ANKRD26: variants seen among roughly 807,000 people sequenced by gnomAD.
The protein encoded by ANKRD26 is ankyrin repeat domain-containing protein 26.
Under a neutral mutation model 208.7 loss-of-function variants are expected in ANKRD26, and 141 were observed. The ratio of observed to expected loss-of-function variants is 0.68; its 90% CI spans 0.59 to 0.78. The LOEUF is 0.78. Among genes scored for constraint, ANKRD26 ranks in the 30% least tolerant of loss-of-function variants. ANKRD26 has a pLI of 0.00. For synonymous variants in ANKRD26, 636 were observed against 660.4 expected (o/e 0.96, Z 0.57); for missense variants, 1,889 against 1,938.7 (o/e 0.97, Z 0.48).
intron 27 of ANKRD26, 30 bp from the exon 28 acceptor site, chr10:27,024,589 T>G: frequency 7.9e-7 from 1 of 1,265,110 alleles, no homozygotes; most frequent in African/African-American, 1.5e-5. Context: ...CAATTACTTT[T>G]AAAACTCTGG....
downstream of ANKRD26, among the ~76,000 whole-genome samples, chr10:26,971,046 T>C (rs1236489466): frequency 6.6e-6 from 1 of 152,128 alleles, no homozygotes; most frequent in Admixed American, 6.6e-5. Flanking sequence ...AAATAGCATG[T>C]TGAGAAGAAA....
intron 12 of ANKRD26, 124 bp downstream of exon 12, chr10:27,063,864 C>T: frequency 1.3e-6 from 1 of 797,374 alleles, no homozygotes; most frequent in Non-Finnish European, 2.1e-6. Flanking sequence ...ACAATTTTAC[C>T]TCTCTTTATT....
intron 31 of ANKRD26, 58 bp downstream of exon 31, chr10:27,014,436 C>T: frequency 1.5e-6 from 2 of 1,314,146 alleles, no homozygotes; most frequent in Non-Finnish European, 2.1e-6. Context: ...AAGAATTATG[C>T]TTTCAAGGCA....
intron 13 of ANKRD26, 32 bp downstream of exon 13, chr10:27,061,112 A>T: frequency 7.0e-7 from 1 of 1,429,734 alleles, no homozygotes. Context: ...GTAGAATAAC[A>T]GTTAACAAAA....
At chr10:27,010,559 G>A (rs768516542) in intron 32 of ANKRD26, among the ~76,000 whole-genome samples, 3 of 152,184 alleles carry the variant, frequency 2.0e-5, no homozygotes, top group African/African-American at 4.8e-5. Context: ...GCAGAAGCAC[G>A]ATCATAGCTC....
rs143131177 is a variant in ANKRD26, at chr10:27,092,234, GTTAACCTTCTTA to G, written c.638+160_638+171del. On this transcript the variant is annotated intron_variant, in intron 4 of 33. Coordinates refer to ENST00000376087, the MANE Select transcript of ANKRD26 (RefSeq NM_014915.3). ...TTTGTCACTATATCCCCATAATTAT[GTTAACCTTCTTA>G]TTAAATTAATATTTCTGACTTGAGT... is the stretch of plus-strand genomic sequence containing the variant. Among the ~76,000 whole-genome samples, 1,213 of 152,110 alleles carry G rather than the reference GTTAACCTTCTTA, an allele frequency of 8.0e-3. 11 individuals are homozygous for G. The highest frequency in any genetic ancestry group is 0.027 in the African/African-American group (1,127 of 41,476).
At chr10:27,083,875 T>C (rs997095492) in intron 5 of ANKRD26, among the ~76,000 whole-genome samples, 18 of 152,324 alleles carry the variant, frequency 1.2e-4, no homozygotes, top group African/African-American at 4.3e-4. Flanking sequence ...TATTTATGAC[T>C]GCTTTCACAT....
intron 20 of ANKRD26, among the ~76,000 whole-genome samples, chr10:27,041,023 T>G (rs1236146061): frequency 6.7e-6 from 1 of 148,754 alleles, no homozygotes; most frequent in African/African-American, 2.5e-5. Flanking sequence ...AGAGCGAGAC[T>G]CTGCCTCAGA....
rs757268509 is a variant in ANKRD26, at chr10:27,022,699, T to C, written c.4086-12A>G. ...AGAGGTTCTTAAATCTGCAGGAAGG[T>C]ACAAAATGAGTAACTCAAGTTTTAA... On this transcript the variant is annotated splice_polypyrimidine_tract_variant and intron_variant, in intron 28 of 33. Transcript: ENST00000376087. The C allele has an allele frequency of 3.8e-6, 6 of 1,577,032 alleles. No individual in the cohort carries two copies. Among genetic ancestry groups the C allele is most frequent in the South Asian group, 2.2e-5 (2 of 89,506 alleles).
intron 5 of ANKRD26, among the ~76,000 whole-genome samples, chr10:26,977,768 T>C (rs928165873): frequency 1.3e-5 from 2 of 152,208 alleles, no homozygotes; most frequent in African/African-American, 2.4e-5. Flanking sequence ...TTTTTCCAGC[T>C]GCCTGCAGAA....
At chr10:27,039,224 C>T (rs909013988) in intron 21 of ANKRD26, among the ~76,000 whole-genome samples, 17 of 151,906 alleles carry the variant, frequency 1.1e-4, no homozygotes, top group African/African-American at 7.3e-5. Context: ...GAGGCCAAGG[C>T]GGGAGGATCA....
At position 27,048,824 on chromosome 10, in the gene ANKRD26, C is replaced by T. The variant is rs1473959557; in HGVS notation, c.1791G>A (p.Arg597=). 3 of 1,613,024 alleles carry T rather than the reference C, an allele frequency of 1.9e-6. No homozygotes were observed. The highest frequency in any genetic ancestry group is 1.7e-6 in the Non-Finnish European group (2 of 1,179,662). The change falls in exon 17 of 34, where the codon AGG becomes AGA. Residue 597 remains arginine (R), a synonymous_variant. Transcript: ENST00000376087. Reference sequence around the variant, plus strand: ...ACCTAGCATACTCTTTATTTTCCTTCCTGGGAAATTGCTGATGATCAGTTT... The same window carrying T: ...ACCTAGCATACTCTTTATTTTCCTTTCTGGGAAATTGCTGATGATCAGTTT... ...SGETDHQQFP[R]KENKEYASSG... is the part of the protein sequence containing the mutation.
rs148461542 is a variant in ANKRD26, at chr10:27,079,941, A to C, written c.741-780T>G. On this transcript the variant is annotated intron_variant, in intron 6 of 33. Coordinates refer to ENST00000376087, the MANE Select transcript of ANKRD26 (RefSeq NM_014915.3). ...GGGAGGCCGAGGCGGGCAGATCACGAGGTCAGGAGTTCAAGGCCAGTCTGA... is the reference window on the plus strand; with the variant it reads ...GGGAGGCCGAGGCGGGCAGATCACGCGGTCAGGAGTTCAAGGCCAGTCTGA... 1.1e-4 allele frequency: 21 copies of C among 190,388 alleles called. No homozygotes were observed. The East Asian group carries it at 3.8e-3, about 35-fold the overall frequency. The allele number at this position is 190,388 out of a possible 1,614,324, so 11.8% of individuals were successfully genotyped here.
chr10:27,060,407 T>C lies in ANKRD26; in HGVS notation c.1502A>G (p.Glu501Gly). ...TTTATTTGGAACAGAATCTTTCATT[T>C]CAATGGTAGGCTGAATGGGTTTTGA... ...ERYLHLKPTIEMKDSVPNKAG... is the reference protein window; with the variant it reads ...ERYLHLKPTIGMKDSVPNKAG... The change falls in exon 15 of 34, where the codon GAA becomes GGA. Residue 501 changes from glutamate to glycine, a missense_variant. Coordinates refer to ENST00000376087, the MANE Select transcript of ANKRD26 (RefSeq NM_014915.3). The C allele has an allele frequency of 6.2e-7, 1 of 1,612,522 alleles. No individual in the cohort carries two copies.
chr10:26,997,735 C>G (rs1055646910), intron 4 of ANKRD26, among the ~76,000 whole-genome samples: 16 of 152,156 alleles, frequency 1.1e-4, no homozygotes, highest in African/African-American at 3.6e-4. Flanking sequence ...TTCTAGCACT[C>G]CCATTGTCTC....
rs546172349 is a variant in ANKRD26 at position 27,058,892 on chromosome 10, T to G, written c.1564+1453A>C. On this transcript the variant is annotated intron_variant, in intron 15 of 33. Transcript: ENST00000376087. ...CGCCCAGCCCACAGTGATTTTTATG[T>G]TTTTTTGTTTGTTTGTTTTTTGTTT... 2.7e-5 allele frequency among the ~76,000 whole-genome samples: 4 copies of G among 147,690 alleles called. No homozygotes were observed. In the Admixed American group the frequency reaches 2.8e-4, roughly 10 times the overall value.
chr10:26,990,084 G>A (rs989216381), downstream of ANKRD26, among the ~76,000 whole-genome samples: 2 of 152,092 alleles, frequency 1.3e-5, no homozygotes, highest in African/African-American at 4.8e-5. Flanking sequence ...CTCCCATTCT[G>A]GCTGTTGAGT....
At chr10:27,098,948 C>T (rs2056556228) in intron 1 of ANKRD26, among the ~76,000 whole-genome samples, 1 of 152,170 alleles carries the variant, frequency 6.6e-6, no homozygotes, top group Non-Finnish European at 1.5e-5. Context: ...AAAGTATATC[C>T]TCACATGCCA....
the ANKRD26 span, among the ~76,000 whole-genome samples, chr10:26,957,020 C>G: frequency 9.2e-5 from 14 of 152,302 alleles, no homozygotes; most frequent in African/African-American, 3.4e-4. Flanking sequence ...GCAGCAAAAA[C>G]AGAAAATTTC....
Sources: gnomAD v4.1 joint callset for allele counts (sites outside exome capture counted in the v4.1 genomes callset) on GRCh38, gnomAD v4.1.1 for gene constraint, MANE v1.5 for transcripts, NCBI Gene and HGNC (gene_info 2026-07-23, HGNC 2026-07-21) for gene names.